The following LAMC1 variants were observed in gnomAD, a reference collection of about 807,000 sequenced individuals.
LAMC1 encodes the protein laminin subunit gamma 1.
Under a neutral mutation model 173.6 loss-of-function variants are expected in LAMC1, and 38 were observed. That is an observed-to-expected ratio of 0.22 (90% CI 0.17 to 0.29). LAMC1 has a LOEUF of 0.29. LAMC1 is among the 10% of genes least tolerant of loss of function. The pLI is 1.00. For synonymous variants in LAMC1, 746 were observed against 749.1 expected (o/e 1.00, Z 0.07); for missense variants, 1,824 against 2,051.8 (o/e 0.89, Z 2.14).
chr1:183,083,711 G>T (rs1655348472), intron 1 of LAMC1, among the ~76,000 whole-genome samples: 1 of 152,076 alleles, frequency 6.6e-6, no homozygotes, highest in Non-Finnish European at 1.5e-5. Context: ...TCATTTACAT[G>T]TTTTAAATCA....
chr1:183,084,758 C>T (rs1234548541), intron 1 of LAMC1, among the ~76,000 whole-genome samples: 2 of 152,054 alleles, frequency 1.3e-5, no homozygotes, highest in Admixed American at 1.3e-4. Context: ...ACGACGCATC[C>T]TTTTTTTATT....
intron 1 of LAMC1, among the ~76,000 whole-genome samples, chr1:183,097,306 A>G (rs1433237793): frequency 1.3e-5 from 2 of 152,196 alleles, no homozygotes; most frequent in Non-Finnish European, 2.9e-5. Context: ...TTAAAGTTTT[A>G]TATGCCTAAA....
rs148259681 is a variant in LAMC1 at position 183,093,539 on chromosome 1, A to G, written c.419-9789A>G. On this transcript the variant is annotated intron_variant, in intron 1 of 27. Transcript: ENST00000258341. ...CAGTCTGTGTACCTCTTATCTATCT[A>G]TGTCCATTCCCTAGTTGTTTTCCTC... 2.7e-3 allele frequency among the ~76,000 whole-genome samples: 411 copies of G among 152,052 alleles called. 4 individuals carry two copies. The highest frequency in any genetic ancestry group is 4.4e-3 in the Admixed American group (67 of 15,274).
intron 1 of LAMC1, among the ~76,000 whole-genome samples, chr1:183,098,119 T>C (rs1031718657): frequency 5.3e-5 from 8 of 152,218 alleles, no homozygotes; most frequent in Non-Finnish European, 1.2e-4. Context: ...AGTAGTGTCA[T>C]CAGACTGGAA....
chr1:183,073,174 A>C (rs1039238592), intron 1 of LAMC1, among the ~76,000 whole-genome samples: 2 of 152,128 alleles, frequency 1.3e-5, no homozygotes, highest in Admixed American at 6.6e-5. Flanking sequence ...TTTGCTTTTT[A>C]AATTTACTTC....
At chr1:183,130,179 A>G (rs1369146441) in intron 18 of LAMC1, among the ~76,000 whole-genome samples, 165 bp from the exon 19 acceptor site, 1 of 152,132 alleles carries the variant, frequency 6.6e-6, no homozygotes, top group Admixed American at 6.5e-5. Context: ...TGAAGGACCT[A>G]CTGGGTGTGG....
At chr1:183,131,871 T>A (rs1047303424) in intron 20 of LAMC1, among the ~76,000 whole-genome samples, 1 of 152,280 alleles carries the variant, frequency 6.6e-6, no homozygotes, top group African/African-American at 2.4e-5. Context: ...ACCAATAATT[T>A]TTTTGGAAAA....
chr1:183,134,953 G>C, intron 23 of LAMC1, 89 bp from the exon 24 acceptor site: 1 of 1,348,688 alleles, frequency 7.4e-7, no homozygotes, highest in Non-Finnish European at 1.1e-6. Flanking sequence ...GCAAGTCTCA[G>C]GGTGGCACCT....
intron 1 of LAMC1, among the ~76,000 whole-genome samples, chr1:183,036,396 CT>C (rs768370901): frequency 3.8e-3 from 366 of 96,578 alleles, no homozygotes; most frequent in African/African-American, 8.5e-3. Flanking sequence ...CCACGCCAGT[CT>C]TTTTTTTTTT....
chr1:183,135,346 T>A (rs1271663080), intron 24 of LAMC1, among the ~76,000 whole-genome samples, 190 bp downstream of exon 24: 2 of 152,326 alleles, frequency 1.3e-5, no homozygotes, highest in African/African-American at 2.4e-5. Context: ...GATTTTTTTT[T>A]AAAGATGTTT....
chr1:183,038,250 G>C (rs1173670185), intron 1 of LAMC1, among the ~76,000 whole-genome samples: 1 of 152,088 alleles, frequency 6.6e-6, no homozygotes, highest in Admixed American at 6.5e-5. Context: ...TGGCCAGGCT[G>C]GTCTCGAACT....
intron 1 of LAMC1, among the ~76,000 whole-genome samples, chr1:183,060,166 A>G (rs1177919744): frequency 6.6e-6 from 1 of 152,150 alleles, no homozygotes; most frequent in Non-Finnish European, 1.5e-5. Flanking sequence ...TCATGTAGCT[A>G]GACTTTTAAG....
chr1:183,067,350 A>G (rs992890982), intron 1 of LAMC1, among the ~76,000 whole-genome samples: 7 of 152,164 alleles, frequency 4.6e-5, no homozygotes, highest in Non-Finnish European at 8.8e-5. Flanking sequence ...ATTTAATAAA[A>G]CGATGAGTGT....
chr1:183,142,543 A>G lies in LAMC1; in HGVS notation c.4583A>G (p.Asp1528Gly), dbSNP rs751829591. The G allele has an allele frequency of 1.8e-4, 290 of 1,611,524 alleles. No homozygotes were observed. Among genetic ancestry groups the G allele is most frequent in the Non-Finnish European group, 2.4e-4 (287 of 1,178,978 alleles). ...CTTTCTGACCCTCCAGGGCAGCTGG[A>G]TACAGTGGACCTGAATAAGCTAAAC... is the stretch of plus-strand genomic sequence containing the variant. ...NDLLEQLGQL[D>G]TVDLNKLNEI... The change falls in exon 28 of 28, where the codon GAT becomes GGT. Residue 1528 changes from aspartate (D) to glycine (G), a missense_variant. Asp to Gly is a moderately conservative substitution (Grantham distance 94). Transcript: ENST00000258341.
intron 1 of LAMC1, among the ~76,000 whole-genome samples, chr1:183,034,680 A>G (rs142993305): frequency 2.6e-5 from 4 of 152,350 alleles, no homozygotes; most frequent in African/African-American, 7.2e-5. Context: ...AGTAATAGAC[A>G]TGAGTGTAGG....
chr1:183,130,118 G>A (rs546905631), intron 18 of LAMC1, among the ~76,000 whole-genome samples: 4 of 152,276 alleles, frequency 2.6e-5, no homozygotes, highest in South Asian at 2.1e-4. Flanking sequence ...GAAAGAGTTC[G>A]TAGTCAAGTG....
At position 183,081,549 on chromosome 1, in the gene LAMC1, A is replaced by AAAAT. The variant is rs71127333; in HGVS notation, c.419-21726_419-21723dup. On this transcript the variant is annotated intron_variant, in intron 1 of 27. Transcript: ENST00000258341. ...GGCAACAGAGCGAGACTCCGCCTCAAAAATAAATAAATAAATAAATAAATA... is the reference window on the plus strand; with the variant it reads ...GGCAACAGAGCGAGACTCCGCCTCAAAAATAAATAAATAAATAAATAAATAAATA... 3.4e-3 allele frequency among the ~76,000 whole-genome samples: 476 copies of AAAAT among 139,630 alleles called. 2 individuals are homozygous for AAAAT. Among genetic ancestry groups the AAAAT allele is most frequent in the Middle Eastern group, 0.025 (7 of 276 alleles). The allele number at this position is 139,630 out of a possible 152,430, so 91.6% of individuals were successfully genotyped here.
chr1:183,102,739 A>G (rs1316701613), intron 1 of LAMC1, among the ~76,000 whole-genome samples: 1 of 152,152 alleles, frequency 6.6e-6, no homozygotes, highest in African/African-American at 2.4e-5. Context: ...CATCCACTGA[A>G]GGAATTTTTT....
chr1:183,116,517 A>T, intron 6 of LAMC1, 60 bp from the exon 7 acceptor site: 1 of 1,156,648 alleles, frequency 8.6e-7, no homozygotes, highest in Non-Finnish European at 1.3e-6. Flanking sequence ...CAAAGGGCTG[A>T]CTTGAAGAGT....
Sources: gnomAD v4.1 joint callset for allele counts (sites outside exome capture counted in the v4.1 genomes callset) on GRCh38, gnomAD v4.1.1 for gene constraint, MANE v1.5 for transcripts, NCBI Gene and HGNC (gene_info 2026-07-23, HGNC 2026-07-21) for gene names.